FUCA2: variants seen among roughly 807,000 people sequenced by gnomAD.
FUCA2 encodes the protein alpha-L-fucosidase 2, also known as plasma alpha-L-fucosidase.
Under a neutral mutation model 52.6 loss-of-function variants are expected in FUCA2, and 41 were observed. The observed-to-expected ratio is 0.78, with a 90% CI of 0.61 to 1.01. The LOEUF (loss-of-function observed/expected upper bound fraction) is 1.01. FUCA2 is among the 50% of genes least tolerant of loss of function. The probability of loss-of-function intolerance (pLI) is 0.00; values close to 1 mark genes in which losing one functional copy is unlikely to be tolerated. For missense variants in FUCA2, 507 were observed against 569.5 expected (o/e 0.89, Z 1.12); for synonymous variants, 211 against 217.3 (o/e 0.97, Z 0.26).
rs1780622551 is a variant in FUCA2 at position 143,507,375 on chromosome 6, C to G, written c.274G>C (p.Asp92His). 6.2e-7 allele frequency: 1 copy of G among 1,604,674 alleles called. No homozygotes were observed. The highest frequency in any genetic ancestry group is 1.3e-5 in the African/African-American group (1 of 74,280). ...KIPKYVEFMK[D>H]NYPPSFKYED... is the part of the protein sequence containing the mutation. ...TATTTGAAACTAGGAGGGTAATTAT[C>G]TTTCATAAATTCCACATACTTCGGT... Residue 92 changes from aspartate (D) to histidine (H), a missense_variant, in exon 2 of 7, where the codon GAT becomes CAT. Asp to His is a moderately conservative substitution (Grantham distance 81). Coordinates refer to ENST00000002165, the MANE Select transcript of FUCA2 (RefSeq NM_032020.5). The surrounding 1 kb of genome is among the most constrained non-coding windows in gnomAD (Gnocchi z 4.5).
At chr6:143,498,146 A>G (rs1024832121) in intron 5 of FUCA2, among the ~76,000 whole-genome samples, 2 of 148,786 alleles carry the variant, frequency 1.3e-5, no homozygotes, top group African/African-American at 5.1e-5. Context: ...AGCAAAGAAG[A>G]AGGTAAGGGA....
chr6:143,507,223 C>T lies in FUCA2; in HGVS notation c.412+14G>A, dbSNP rs757111190. The stretch of plus-strand genomic sequence containing the variant: ...AACCATTGTCAGCAATTTCCATAGG[C>T]TGGATTGACTTACCTTCATGATGTT... On this transcript the variant is annotated intron_variant, in intron 2 of 6. Coordinates refer to ENST00000002165, the MANE Select transcript of FUCA2 (RefSeq NM_032020.5). This position sits in a 1 kb window ranked among gnomAD's most constrained non-coding sequence, Gnocchi z 4.5. 2.6e-6 allele frequency: 4 copies of T among 1,565,908 alleles called. No individual in the cohort carries two copies. In the South Asian group the frequency reaches 4.8e-5, roughly 19 times the overall value.
At position 143,495,961 on chromosome 6, in the gene FUCA2, T is replaced by C; in HGVS notation, c.1264-114A>G. Reference sequence around the variant, plus strand: ...AACAAAATTGTAGACAAGAGGTTCATTTTTACCTTTATTTAGTGATTCACA... The same window carrying C: ...AACAAAATTGTAGACAAGAGGTTCACTTTTACCTTTATTTAGTGATTCACA... On this transcript the variant is annotated intron_variant, in intron 6 of 6. Transcript: ENST00000002165. The surrounding 1 kb of genome is among the most constrained non-coding windows in gnomAD (Gnocchi z 5.2). 1 of 1,007,236 alleles carries C rather than the reference T, an allele frequency of 9.9e-7. No homozygotes were observed. The allele number at this position is 1,007,236 out of a possible 1,614,324, so 62.4% of individuals were successfully genotyped here.
chr6:143,507,334 T>A lies in FUCA2; in HGVS notation c.315A>T (p.Pro105=). The A allele has an allele frequency of 6.2e-7, 1 of 1,610,058 alleles. No homozygotes were observed. The highest frequency in any genetic ancestry group is 1.1e-5 in the South Asian group (1 of 89,482). ...PPSFKYEDFG[P]LFTAKFFNAN... ...CATTAAAAAATTTTGCTGTAAATAGTGGTCCAAAATCTTCATATTTGAAAC... is the reference window on the plus strand; with the variant it reads ...CATTAAAAAATTTTGCTGTAAATAGAGGTCCAAAATCTTCATATTTGAAAC... Residue 105 remains proline (P), a synonymous_variant, in exon 2 of 7, where the codon CCA becomes CCT. Transcript: ENST00000002165. This position sits in a 1 kb window ranked among gnomAD's most constrained non-coding sequence, Gnocchi z 4.5.
At position 143,502,684 on chromosome 6, in the gene FUCA2, C is replaced by A; in HGVS notation, c.753-119G>T. 1 of 829,592 alleles carries A rather than the reference C, an allele frequency of 1.2e-6. No individual in the cohort carries two copies. Among genetic ancestry groups the A allele is most frequent in the Non-Finnish European group, 1.8e-6 (1 of 544,164 alleles). 51.4% of individuals were successfully genotyped at this position (829,592 alleles called of 1,614,324 possible). ...TCTGAAAAGGGACCATGGCATAGTA[C>A]AGTGGAAAGCCCATGGTTTTGAAGT... On this transcript the variant is annotated intron_variant, in intron 3 of 6. Coordinates refer to ENST00000002165, the MANE Select transcript of FUCA2 (RefSeq NM_032020.5). This position sits in a 1 kb window ranked among gnomAD's most constrained non-coding sequence, Gnocchi z 4.1.
At chr6:143,508,567 G>A (rs1780642573) in intron 1 of FUCA2, among the ~76,000 whole-genome samples, 1 of 152,238 alleles carries the variant, frequency 6.6e-6, no homozygotes, top group Admixed American at 6.5e-5. Flanking sequence ...CGACAGGGAT[G>A]TGAGATCCAT....
rs1780568940 is a variant in FUCA2, at chr6:143,504,197, C to T, written c.468G>A (p.Gly156=). ...GTTCCTTGACAATGTCCCTCTTGGG[C>T]CCCTCATCTATGGCATTCCAGTTCC... is the stretch of plus-strand genomic sequence containing the variant. The part of the protein sequence containing the change: ...YSWNWNAIDE[G]PKRDIVKELE... The change falls in exon 3 of 7, where the codon GGG becomes GGA. Residue 156 remains glycine, a synonymous_variant. Transcript: ENST00000002165. The surrounding 1 kb of genome is among the most constrained non-coding windows in gnomAD (Gnocchi z 4.4). 4 of 1,614,176 alleles carry T rather than the reference C, an allele frequency of 2.5e-6. No individual in the cohort carries two copies. In the African/African-American group the frequency reaches 4.0e-5, roughly 16 times the overall value.
In FUCA2 at chr6:143,504,375, T is replaced by G. The variant is rs1454459606; in HGVS notation, c.413-123A>C. 4.9e-6 allele frequency: 4 copies of G among 810,680 alleles called. No homozygotes were observed. The highest frequency in any genetic ancestry group is 7.7e-6 in the Non-Finnish European group (4 of 519,094). The allele number at this position is 810,680 out of a possible 1,614,324, so 50.2% of individuals were successfully genotyped here. Reference sequence around the variant, plus strand: ...ATATATAAATACCTGCTCCTACAAATGACTGTTTTATGGCCATTTTTTCAT... The same window carrying G: ...ATATATAAATACCTGCTCCTACAAAGGACTGTTTTATGGCCATTTTTTCAT... On this transcript the variant is annotated intron_variant, in intron 2 of 6. Coordinates refer to ENST00000002165, the MANE Select transcript of FUCA2 (RefSeq NM_032020.5). This position sits in a 1 kb window ranked among gnomAD's most constrained non-coding sequence, Gnocchi z 4.4.
intron 6 of FUCA2, among the ~76,000 whole-genome samples, chr6:143,496,086 G>C (rs1286084919): frequency 6.6e-6 from 1 of 152,118 alleles, no homozygotes; most frequent in Non-Finnish European, 1.5e-5. Context: ...GTTGGGGAAG[G>C]AGAATTTTCA....
chr6:143,504,242 C>T lies in FUCA2; in HGVS notation c.423G>A (p.Leu141=), dbSNP rs758905891. ...AGTTCCACGAATATTCTGACCCCCA[C>T]AAGGTAAAGCCTAGAAAATTATAGT... ...LTSKHHEGFT[L]WGSEYSWNWN... The change falls in exon 3 of 7, where the codon TTG becomes TTA. Residue 141 remains leucine, a synonymous_variant. Coordinates refer to ENST00000002165, the MANE Select transcript of FUCA2 (RefSeq NM_032020.5). This position sits in a 1 kb window ranked among gnomAD's most constrained non-coding sequence, Gnocchi z 4.4. 1 of 1,610,374 alleles carries T rather than the reference C, an allele frequency of 6.2e-7. No individual in the cohort carries two copies. Among genetic ancestry groups the T allele is most frequent in the Non-Finnish European group, 8.5e-7 (1 of 1,178,496 alleles).
chr6:143,498,945 T>C (rs1780498990), intron 5 of FUCA2, among the ~76,000 whole-genome samples: 1 of 149,334 alleles, frequency 6.7e-6, no homozygotes, highest in Non-Finnish European at 1.5e-5. Flanking sequence ...GAGGATGATA[T>C]CTGCTAATGG....
Position 143,511,564 on chromosome 6 carries a change from G to GGCGGCGGCAGCAGCAGCA in FUCA2, c.53_70dup (p.Leu18_Pro23dup). On this transcript the variant is annotated inframe_insertion, in exon 1 of 7. Coordinates refer to ENST00000002165, the MANE Select transcript of FUCA2 (RefSeq NM_032020.5). This position sits in a 1 kb window ranked among gnomAD's most constrained non-coding sequence, Gnocchi z 6.3. ...CGTGGCGCTGTGGGCAGGGCACGGC[G>GGCGGCGGCAGCAGCAGCA]GCGGCGGCAGCAGCAGCAACAGCAA... The GGCGGCGGCAGCAGCAGCA allele has an allele frequency of 6.4e-7, 1 of 1,566,746 alleles. No homozygotes were observed. The highest frequency in any genetic ancestry group is 1.2e-5 in the South Asian group (1 of 85,836).
In FUCA2 at chr6:143,510,441, G is replaced by A. The variant is rs1308970168; in HGVS notation, c.224+970C>T. ...ACCTGAGGTCAGGAGTTCAAGACCA[G>A]CCTGGCTAACATGGCAAAACCCCGT... On this transcript the variant is annotated intron_variant, in intron 1 of 6. Transcript: ENST00000002165. The surrounding 1 kb of genome is among the most constrained non-coding windows in gnomAD (Gnocchi z 4.4). Among the ~76,000 whole-genome samples, 1 of 152,076 alleles carries A rather than the reference G, an allele frequency of 6.6e-6. No individual in the cohort carries two copies. Among genetic ancestry groups the A allele is most frequent in the Non-Finnish European group, 1.5e-5 (1 of 68,014 alleles).
At position 143,495,977 on chromosome 6, in the gene FUCA2, G is replaced by A; in HGVS notation, c.1264-130C>T. 2 of 839,362 alleles carry A rather than the reference G, an allele frequency of 2.4e-6. No homozygotes were observed. Among genetic ancestry groups the A allele is most frequent in the East Asian group, 5.2e-5 (2 of 38,190 alleles). The allele number at this position is 839,362 out of a possible 1,614,324, so 52.0% of individuals were successfully genotyped here. ...AGAGGTTCATTTTTACCTTTATTTA[G>A]TGATTCACAATCACTCTTCATCCAA... On this transcript the variant is annotated intron_variant, in intron 6 of 6. Transcript: ENST00000002165. The surrounding 1 kb of genome is among the most constrained non-coding windows in gnomAD (Gnocchi z 5.2).
chr6:143,505,620 G>A (rs569612040), intron 2 of FUCA2: 16 of 152,202 alleles, frequency 1.1e-4, no homozygotes, highest in African/African-American at 3.9e-4. Context: ...CCTAGCCTTA[G>A]ATTCATTTTA....
rs1780626989 is a variant in FUCA2 at position 143,507,661 on chromosome 6, C to T, written c.225-237G>A. ...TCATAAACTAGAGCATTCTAGGCAA[C>T]TCAGCTACCCATTCTCTCTTTTTTT... On this transcript the variant is annotated intron_variant, in intron 1 of 6. Transcript: ENST00000002165. This position sits in a 1 kb window ranked among gnomAD's most constrained non-coding sequence, Gnocchi z 4.5. Among the ~76,000 whole-genome samples the T allele has an allele frequency of 6.6e-6, 1 of 152,070 alleles. No individual in the cohort carries two copies. The highest frequency in any genetic ancestry group is 2.4e-5 in the African/African-American group (1 of 41,406).
chr6:143,495,345 C>A lies in FUCA2; in HGVS notation c.*362G>T. ...AGCAATGCATTTCCCAGAAAATATC[C>A]CCATATTAAGTGATGCATAACTATA... On this transcript the variant is annotated 3_prime_UTR_variant, in exon 7 of 7. Coordinates refer to ENST00000002165, the MANE Select transcript of FUCA2 (RefSeq NM_032020.5). The surrounding 1 kb of genome is among the most constrained non-coding windows in gnomAD (Gnocchi z 5.2). 1 of 177,334 alleles carries A rather than the reference C, an allele frequency of 5.6e-6. No homozygotes were observed. Among genetic ancestry groups the A allele is most frequent in the Admixed American group, 5.7e-5 (1 of 17,444 alleles). 11.0% of individuals were successfully genotyped at this position (177,334 alleles called of 1,614,324 possible).
Position 143,511,714 on chromosome 6 carries a change from A to G in FUCA2, c.-80T>C, listed in dbSNP as rs965019591. The stretch of plus-strand genomic sequence containing the variant: ...TGTTCTTCCGTCTCTGCCGCTGAGT[A>G]TGCCGCGCCGCGGTCACCTGACCAA... On this transcript the variant is annotated 5_prime_UTR_variant, in exon 1 of 7. Coordinates refer to ENST00000002165, the MANE Select transcript of FUCA2 (RefSeq NM_032020.5). This position sits in a 1 kb window ranked among gnomAD's most constrained non-coding sequence, Gnocchi z 6.3. 2.3e-5 allele frequency: 30 copies of G among 1,313,868 alleles called. No individual in the cohort carries two copies. Among genetic ancestry groups the G allele is most frequent in the South Asian group, 3.2e-5 (2 of 63,430 alleles). The allele number at this position is 1,313,868 out of a possible 1,614,324, so 81.4% of individuals were successfully genotyped here. A position where few individuals can be genotyped will look rare whatever the true frequency, so the allele number is the denominator to read the frequency against.
intron 5 of FUCA2, among the ~76,000 whole-genome samples, chr6:143,498,170 CA>C (rs5880564): frequency 6.7e-6 from 1 of 148,312 alleles, no homozygotes; most frequent in East Asian, 2.0e-4. Flanking sequence ...ATGCTGTGGA[CA>C]AAAAAAAAAG....
Sources: allele counts gnomAD v4.1 joint callset (sites outside exome capture counted in the v4.1 genomes callset), GRCh38; gene constraint gnomAD v4.1.1; non-coding constraint Gnocchi (gnomAD v3.1); transcripts MANE v1.5; gene names NCBI Gene and HGNC (gene_info 2026-07-23, HGNC 2026-07-21).